Variants in KIF20B observed in about 807,000 individuals in gnomAD.
KIF20B encodes the protein kinesin-like protein KIF20B.
In KIF20B, 188 loss-of-function variants were observed where a neutral mutation model predicts 232.5. The ratio of observed to expected loss-of-function variants is 0.81; its 90% CI spans 0.72 to 0.91. KIF20B has a LOEUF of 0.91. Among genes scored for constraint, KIF20B ranks in the 40% least tolerant of loss-of-function variants. The probability of loss-of-function intolerance (pLI) is 0.00; values close to 1 mark genes in which losing one functional copy is unlikely to be tolerated. For synonymous variants in KIF20B, 712 were observed against 683.0 expected (o/e 1.04, Z -0.66); for missense variants, 2,154 against 2,055.9 (o/e 1.05, Z -0.92).
At position 89,772,176 on chromosome 10, in the gene KIF20B, C is replaced by A. The variant is rs1294418671; in HGVS notation, c.5243-513C>A. ...TACATAGTAAGGAATTTAAAAATTC[C>A]TATTCTACTTCCCTAAAAGCAATCA... On this transcript the variant is annotated intron_variant, in intron 31 of 32. Coordinates refer to ENST00000371728, the MANE Select transcript of KIF20B (RefSeq NM_001284259.2). Among the ~76,000 whole-genome samples, 6 of 151,874 alleles carry A rather than the reference C, an allele frequency of 4.0e-5. No individual in the cohort carries two copies. The South Asian group carries it at 8.3e-4, about 21-fold the overall frequency.
rs148612770 is a variant in KIF20B, at chr10:89,731,668, G to A, written c.2392-1235G>A. Reference sequence around the variant, plus strand: ...GTGAGGATTGTATATTTTGAAGCGGGGAAAAATGACGGGATCATTCTGATA... The same window carrying A: ...GTGAGGATTGTATATTTTGAAGCGGAGAAAAATGACGGGATCATTCTGATA... On this transcript the variant is annotated intron_variant, in intron 18 of 32. Transcript: ENST00000371728. Among the ~76,000 whole-genome samples the A allele has an allele frequency of 7.4e-3, 1,124 of 152,196 alleles. 10 individuals are homozygous for A. Among genetic ancestry groups the A allele is most frequent in the Middle Eastern group, 0.017 (5 of 294 alleles).
rs772481715 is a variant in KIF20B, at chr10:89,725,134, T to C, written c.1977T>C (p.Ile659=). ...CDTREEAAKD[I]CATKVETEET... is the part of the protein sequence containing the mutation. ...CTCGAGAAGAAGCAGCGAAAGACAT[T>C]TGTGCCACAAAAGTTGAAACTGAAG... Residue 659 remains isoleucine (I), a synonymous_variant, in exon 15 of 33, where the codon ATT becomes ATC. Transcript: ENST00000371728. 1.2e-6 allele frequency: 2 copies of C among 1,614,000 alleles called. No individual in the cohort carries two copies. The highest frequency in any genetic ancestry group is 1.7e-6 in the Non-Finnish European group (2 of 1,179,950).
Position 89,717,477 on chromosome 10 carries a change from G to C in KIF20B, c.1106G>C (p.Arg369Pro). ...ILQIEDSEMS[R>P]VIRVSELSLC... ...CAGATTGAAGATTCTGAAATGTCTC[G>C]TGTAATTCGAGTCAGTGAGTAAGTT... Residue 369 changes from arginine (R) to proline (P), a missense_variant, in exon 10 of 33, where the codon CGT becomes CCT. By Grantham distance (103) the Arg-to-Pro change is moderately radical (BLOSUM62 -2). Coordinates refer to ENST00000371728, the MANE Select transcript of KIF20B (RefSeq NM_001284259.2). The C allele has an allele frequency of 2.5e-6, 4 of 1,597,746 alleles. No homozygotes were observed. Among genetic ancestry groups the C allele is most frequent in the East Asian group, 2.2e-5 (1 of 44,548 alleles).
In KIF20B at chr10:89,772,860, G is replaced by A. The variant is rs116184155; in HGVS notation, c.5385+29G>A. ...AGCTAGTATTTCTGTTTTCATCAAT[G>A]TAGAACTGTTCGTGTTCTTTTTAAT... On this transcript the variant is annotated intron_variant, in intron 32 of 32. Transcript: ENST00000371728. The A allele has an allele frequency of 7.0e-6, 11 of 1,561,202 alleles. No homozygotes were observed. In the East Asian group the frequency reaches 9.1e-5, roughly 13 times the overall value.
intron 27 of KIF20B, among the ~76,000 whole-genome samples, chr10:89,760,093 G>A (rs1356681830): frequency 1.3e-5 from 2 of 152,102 alleles, no homozygotes; most frequent in Non-Finnish European, 2.9e-5. Context: ...TTTCAAAATT[G>A]TGTTATCAAA....
At chr10:89,748,973 CTCT>C (rs1841973711) in intron 23 of KIF20B, among the ~76,000 whole-genome samples, 1 of 152,072 alleles carries the variant, frequency 6.6e-6, no homozygotes, top group Non-Finnish European at 1.5e-5. Context: ...TTATTGTACA[CTCT>C]TCTTTTCCTC....
Position 89,728,183 on chromosome 10 carries a change from T to G in KIF20B, c.2271+287T>G, listed in dbSNP as rs1045356735. On this transcript the variant is annotated intron_variant, in intron 17 of 32. Transcript: ENST00000371728. ...ATATCCAGTATTTAAAGAACAAAAA[T>G]GTACTTAGAAGACATTACACCTACT... Among the ~76,000 whole-genome samples the G allele has an allele frequency of 2.0e-5, 3 of 152,174 alleles. No individual in the cohort carries two copies. In the South Asian group the frequency reaches 6.2e-4, roughly 31 times the overall value.
chr10:89,726,554 T>G, intron 16 of KIF20B, 33 bp downstream of exon 16: 1 of 1,474,366 alleles, frequency 6.8e-7, no homozygotes, highest in Non-Finnish European at 9.1e-7. Flanking sequence ...TATTTAGATA[T>G]TGTAAACACA....
intron 31 of KIF20B, among the ~76,000 whole-genome samples, chr10:89,771,650 G>A (rs1447967072): frequency 6.6e-6 from 1 of 151,962 alleles, no homozygotes; most frequent in East Asian, 1.9e-4. Flanking sequence ...CTTATGGAGG[G>A]GAACAGGAGG....
chr10:89,755,469 C>T (rs1248005487), intron 26 of KIF20B, among the ~76,000 whole-genome samples: 2 of 128,066 alleles, frequency 1.6e-5, no homozygotes, highest in African/African-American at 2.9e-5. Flanking sequence ...CTCCCCTCCC[C>T]TCCCTCCCCT....
chr10:89,723,939 GA>G (rs1189199434), intron 13 of KIF20B, 24 bp from the exon 14 acceptor site: 1 of 1,439,964 alleles, frequency 6.9e-7, no homozygotes, highest in African/African-American at 1.5e-5. Context: ...TCTTTTATAA[GA>G]ATTTTATCAT....
At chr10:89,765,351 A>G (rs992455444) in intron 29 of KIF20B, among the ~76,000 whole-genome samples, 6 of 152,136 alleles carry the variant, frequency 3.9e-5, no homozygotes, top group Non-Finnish European at 5.9e-5. Flanking sequence ...CCTCTTCAAG[A>G]AGAACTACAA....
At chr10:89,712,709 T>C (rs532070649) in intron 6 of KIF20B, among the ~76,000 whole-genome samples, 1 of 152,360 alleles carries the variant, frequency 6.6e-6, no homozygotes, top group East Asian at 1.9e-4. Context: ...GGTATTGTTT[T>C]ATATAAGGTG....
chr10:89,733,314 T>C (rs58399639), intron 19 of KIF20B, among the ~76,000 whole-genome samples: 6,405 of 139,742 alleles, frequency 0.046, 391 homozygotes, highest in African/African-American at 0.16. Context: ...TCTGTGCTTA[T>C]AATAGTTAAA....
intron 8 of KIF20B, among the ~76,000 whole-genome samples, chr10:89,715,494 A>G (rs1300277951): frequency 6.6e-6 from 1 of 152,176 alleles, no homozygotes; most frequent in East Asian, 1.9e-4. Context: ...GGAGCTATGA[A>G]ATGTTACTAT....
Position 89,705,389 on chromosome 10 carries a change from G to A in KIF20B, c.95G>A (p.Gly32Asp). ...AGGCCTTCAGAAATAAATTTCGATG[G>A]CATTAAGCTTGATCTGTCTCATGAA... ...IARPSEINFD[G>D]IKLDLSHEFS... The change falls in exon 2 of 33, where the codon GGC (glycine) becomes GAC (aspartate). Residue 32 changes from glycine (G) to aspartate (D), a missense_variant. Physicochemically the swap from Gly to Asp is moderately conservative, Grantham distance 94. Coordinates refer to ENST00000371728, the MANE Select transcript of KIF20B (RefSeq NM_001284259.2). The A allele has an allele frequency of 6.2e-7, 1 of 1,613,974 alleles. No homozygotes were observed.
chr10:89,760,422 G>A (rs1332428433), intron 27 of KIF20B, 104 bp from the exon 28 acceptor site: 2 of 706,376 alleles, frequency 2.8e-6, no homozygotes, highest in African/African-American at 3.6e-5. Flanking sequence ...AATTTCCATT[G>A]TTTAGTTTCA....
At chr10:89,753,382 C>CT (rs936774528) in intron 25 of KIF20B, among the ~76,000 whole-genome samples, 4 of 151,994 alleles carry the variant, frequency 2.6e-5, no homozygotes, top group Non-Finnish European at 4.4e-5. Flanking sequence ...ACAAAAACTA[C>CT]TTTTTTTGTT....
At chr10:89,763,247 C>G (rs959212326) in intron 29 of KIF20B, among the ~76,000 whole-genome samples, 1 of 152,130 alleles carries the variant, frequency 6.6e-6, no homozygotes, top group Non-Finnish European at 1.5e-5. Context: ...CACCACTGCA[C>G]TCCAGCCTGG....
Sources: gnomAD v4.1 joint callset for allele counts (sites outside exome capture counted in the v4.1 genomes callset) on GRCh38, gnomAD v4.1.1 for gene constraint, MANE v1.5 for transcripts, NCBI Gene and HGNC (gene_info 2026-07-23, HGNC 2026-07-21) for gene names.